Variants in RPL28 observed in about 807,000 individuals in gnomAD.
The protein encoded by RPL28 is ribosomal protein L28, also known as large ribosomal subunit protein eL28.
Under a neutral mutation model 12.5 loss-of-function variants are expected in RPL28, and 4 were observed. The ratio of observed to expected loss-of-function variants is 0.32; its 90% CI spans 0.16 to 0.73. The LOEUF is 0.73. Ranked by LOEUF, RPL28 falls within the 30% of genes least tolerant of loss-of-function variation. The pLI is 0.66. For synonymous variants in RPL28, 91 were observed against 72.5 expected, an observed-to-expected ratio of 1.26 and a Z score of -1.30; for missense variants, 214 against 197.7, an observed-to-expected ratio of 1.08 and a Z score of -0.49.
intron 4 of RPL28, 30 bp from the exon 5 acceptor site, chr19:55,388,213 C>G: frequency 1.3e-6 from 2 of 1,517,434 alleles, no homozygotes; most frequent in Non-Finnish European, 8.8e-7. Context: ...AGTGTATGGG[C>G]TGAGCCTTGC....
chr19:55,393,970 G>C (rs567372778), downstream of RPL28, among the ~76,000 whole-genome samples: 2 of 150,406 alleles, frequency 1.3e-5, no homozygotes, highest in African/African-American at 4.9e-5. Context: ...TTTTTAAAGG[G>C]ACAGGGTCTC....
In RPL28 at chr19:55,390,152, T is replaced by C. The variant is rs2089976909; in HGVS notation, c.*1820T>C. ...GCACACCAGCATATAATGAGATGCT[T>C]GATGAATGGTGCATATTGAATGTAT... On this transcript the variant is annotated 3_prime_UTR_variant, in exon 5 of 5. Transcript: ENST00000344063. The C allele has an allele frequency of 3.0e-6, 3 of 985,286 alleles. No individual in the cohort carries two copies. The highest frequency in any genetic ancestry group is 6.2e-5 in the Admixed American group (1 of 16,248). The allele number at this position is 985,286 out of a possible 1,614,324, so 61.0% of individuals were successfully genotyped here.
chr19:55,395,591 C>T (rs1158302377), downstream of RPL28, among the ~76,000 whole-genome samples: 4 of 151,892 alleles, frequency 2.6e-5, no homozygotes, highest in Non-Finnish European at 5.9e-5. Context: ...CTACAGGCGC[C>T]CACCACCACA....
At position 55,402,973 on chromosome 19, in the gene RPL28, G is replaced by C. The variant is rs181108047; in HGVS notation, c.355G>C (p.Val119Leu). 2.2e-3 allele frequency: 3,303 copies of C among 1,534,550 alleles called. 10 individuals carry two copies. The highest frequency in any genetic ancestry group is 2.3e-3 in the Non-Finnish European group (2,671 of 1,146,360). Residue 119 changes from valine to leucine, a missense_variant, in exon 5 of 5, where the codon GTA becomes CTA. By Grantham distance (32) the Val-to-Leu change is conservative. Coordinates refer to the RPL28 transcript ENST00000560055. ...GGGAAGGGTTGGGAGGCAGCAGGCTGTAAGCAGCCTGGAGCACCAGCCTAG... is the reference window on the plus strand; with the variant it reads ...GGGAAGGGTTGGGAGGCAGCAGGCTCTAAGCAGCCTGGAGCACCAGCCTAG...
At chr19:55,401,782 G>A in intron 4 of RPL28, 2 of 1,612,652 alleles carry the variant, frequency 1.2e-6, no homozygotes, top group Middle Eastern at 3.3e-4. Flanking sequence ...GAGGCTCAGG[G>A]TCACAGTGGG....
chr19:55,388,003 C>G lies in RPL28; in HGVS notation c.279C>G (p.Ile93Met). The G allele has an allele frequency of 3.1e-6, 5 of 1,613,254 alleles. No homozygotes were observed. Among genetic ancestry groups the G allele is most frequent in the Non-Finnish European group, 4.2e-6 (5 of 1,179,732 alleles). The stretch of plus-strand genomic sequence containing the variant: ...ATGCTCGCGCCACGCTCAGCAGCAT[C>G]AGACACATGATCCGCAAGAACAAGT... ...NKNARATLSSIRHMIRKNKYR... is the reference protein window; with the variant it reads ...NKNARATLSSMRHMIRKNKYR... Residue 93 changes from isoleucine to methionine, a missense_variant, in exon 4 of 5, where the codon ATC (isoleucine) becomes ATG (methionine). Coordinates refer to ENST00000344063, the MANE Select transcript of RPL28 (RefSeq NM_000991.5).
chr19:55,395,200 G>A (rs1466952025), downstream of RPL28, among the ~76,000 whole-genome samples: 4 of 151,888 alleles, frequency 2.6e-5, no homozygotes, highest in Non-Finnish European at 5.9e-5. Context: ...ACAGTGGTGC[G>A]ATCTCGGCTC....
downstream of RPL28, among the ~76,000 whole-genome samples, chr19:55,392,731 G>A (rs1030694837): frequency 3.3e-5 from 5 of 151,914 alleles, no homozygotes; most frequent in East Asian, 5.8e-4. Context: ...GGGTTTCACC[G>A]TGTTAGCCAG....
Position 55,391,046 on chromosome 19 carries a change from G to A in RPL28, c.*2714G>A, listed in dbSNP as rs2089985658. ...CTGAAAGCCAAAGACAAAATTGGGA[G>A]AACAAAAGAAAAGCGTCTTGTCACA... On this transcript the variant is annotated 3_prime_UTR_variant, in exon 5 of 5. Transcript: ENST00000344063. 1 of 805,114 alleles carries A rather than the reference G, an allele frequency of 1.2e-6. No individual in the cohort carries two copies. Among genetic ancestry groups the A allele is most frequent in the South Asian group, 5.6e-5 (1 of 17,800 alleles). 49.9% of individuals were successfully genotyped at this position (805,114 alleles called of 1,614,324 possible).
Position 55,387,917 on chromosome 19 carries a change from G to A in RPL28, c.206-13G>A, listed in dbSNP as rs768984397. The A allele has an allele frequency of 5.2e-6, 8 of 1,552,648 alleles. No individual in the cohort carries two copies. The highest frequency in any genetic ancestry group is 1.4e-5 in the African/African-American group (1 of 73,496). On this transcript the variant is annotated splice_polypyrimidine_tract_variant and intron_variant, in intron 3 of 4. Coordinates refer to ENST00000344063, the MANE Select transcript of RPL28 (RefSeq NM_000991.5). Reference sequence around the variant, plus strand: ...GGTGGACTGACCCCAGGACCTCCCTGACCCCCAACCAGGCCAGCGGAAGCC... The same window carrying A: ...GGTGGACTGACCCCAGGACCTCCCTAACCCCCAACCAGGCCAGCGGAAGCC...
In RPL28 at chr19:55,391,699, T is replaced by A; in HGVS notation, c.*3367T>A. 1 of 1,534,428 alleles carries A rather than the reference T, an allele frequency of 6.5e-7. No homozygotes were observed. Among genetic ancestry groups the A allele is most frequent in the Non-Finnish European group, 8.8e-7 (1 of 1,132,452 alleles). On this transcript the variant is annotated 3_prime_UTR_variant, in exon 5 of 5. Transcript: ENST00000344063. ...TACTACTCAGGGTTGATGAGAAGAT[T>A]AAATGTGCAAAACCTGCTTGACTGT...
intron 4 of RPL28, among the ~76,000 whole-genome samples, chr19:55,398,065 A>C (rs1186565433): frequency 6.6e-6 from 1 of 151,996 alleles, no homozygotes; most frequent in Non-Finnish European, 1.5e-5. Flanking sequence ...GCTTGGTGGC[A>C]CACGCCTGTA....
Position 55,386,913 on chromosome 19 carries a change from A to T in RPL28, c.205+220A>T, listed in dbSNP as rs569905335. ...TCCTCACCTGTAAAGTGGAGAAATG[A>T]AAAAGGACCTGAACTTCCTCGGTGG... On this transcript the variant is annotated intron_variant, in intron 3 of 4. Coordinates refer to ENST00000344063, the MANE Select transcript of RPL28 (RefSeq NM_000991.5). 162 of 1,491,786 alleles carry T rather than the reference A, an allele frequency of 1.1e-4. 1 individual carries two copies. The South Asian group carries it at 1.9e-3, about 17-fold the overall frequency. The allele number at this position is 1,491,786 out of a possible 1,614,324, so 92.4% of individuals were successfully genotyped here.
chr19:55,388,932 A>T lies in RPL28; in HGVS notation c.*600A>T. On this transcript the variant is annotated 3_prime_UTR_variant, in exon 5 of 5. Transcript: ENST00000344063. The stretch of plus-strand genomic sequence containing the variant: ...GAGATGGCAGCCCCAGGGTACAGCC[A>T]GCAGGCATTGAGCAGCCTTAGCATT... The T allele has an allele frequency of 2.0e-6, 2 of 985,566 alleles. No homozygotes were observed. Among genetic ancestry groups the T allele is most frequent in the Non-Finnish European group, 1.2e-6 (1 of 830,032 alleles). The allele number at this position is 985,566 out of a possible 1,614,324, so 61.1% of individuals were successfully genotyped here.
chr19:55,390,089 CAT>C lies in RPL28; in HGVS notation c.*1758_*1759del. 1.0e-6 allele frequency: 1 copy of C among 985,524 alleles called. No individual in the cohort carries two copies. Among genetic ancestry groups the C allele is most frequent in the Non-Finnish European group, 1.2e-6 (1 of 829,978 alleles). The allele number at this position is 985,524 out of a possible 1,614,324, so 61.0% of individuals were successfully genotyped here. A position where few individuals can be genotyped will look rare whatever the true frequency, so the allele number is the denominator to read the frequency against. On this transcript the variant is annotated 3_prime_UTR_variant, in exon 5 of 5. Transcript: ENST00000344063. ...CACAAGCTGGCAGGTTTATCTGTCT[CAT>C]GTTTGTCTTGTGCTGGTGGGCAAGG...
Position 55,391,389 on chromosome 19 carries a change from CAG to C in RPL28, c.*3058_*3059del. The C allele has an allele frequency of 7.9e-7, 1 of 1,265,940 alleles. No homozygotes were observed. The highest frequency in any genetic ancestry group is 1.0e-6 in the Non-Finnish European group (1 of 1,002,090). 78.4% of individuals were successfully genotyped at this position (1,265,940 alleles called of 1,614,324 possible). A position where few individuals can be genotyped will look rare whatever the true frequency, so the allele number is the denominator to read the frequency against. The stretch of plus-strand genomic sequence containing the variant: ...ACAGCCCTGCATAAGGCAGGTGTCT[CAG>C]TGTTCACTGCTGTCTCTCCAGCTCT... On this transcript the variant is annotated 3_prime_UTR_variant, in exon 5 of 5. Transcript: ENST00000344063.
chr19:55,387,669 T>C, intron 3 of RPL28: 3 of 1,390,816 alleles, frequency 2.2e-6, no homozygotes, highest in Non-Finnish European at 2.8e-6. Flanking sequence ...GGCAGCTTTC[T>C]GGCATGAGAA....
exon 5 of RPL28, chr19:55,402,998 G>A: frequency 6.5e-7 from 1 of 1,534,192 alleles, no homozygotes; most frequent in South Asian, 1.2e-5. Context: ...CACCAGCCTA[G>A]ACCAGGACGC....
downstream of RPL28, among the ~76,000 whole-genome samples, chr19:55,394,719 G>A (rs992463499): frequency 1.3e-5 from 2 of 152,050 alleles, no homozygotes; most frequent in African/African-American, 4.8e-5. Context: ...CCACAGGTGT[G>A]TGCTGCCACA....
Sources: allele counts gnomAD v4.1 joint callset (sites outside exome capture counted in the v4.1 genomes callset), GRCh38; gene constraint gnomAD v4.1.1; transcripts MANE v1.5; gene names NCBI Gene and HGNC (gene_info 2026-07-23, HGNC 2026-07-21).